Variants in TMPRSS11A observed in about 807,000 individuals in gnomAD.
TMPRSS11A encodes transmembrane protease serine 11A.
TMPRSS11A carries 53 observed loss-of-function variants against 58.9 expected under a neutral mutation model. The observed-to-expected ratio is 0.90, with a 90% CI of 0.72 to 1.13. The LOEUF (loss-of-function observed/expected upper bound fraction) is 1.13, where lower values mean the gene tolerates loss of function less well. TMPRSS11A is among the 50% of genes most tolerant of loss of function. The pLI is 0.00. For synonymous variants in TMPRSS11A, 167 were observed against 169.8 expected (o/e 0.98, Z 0.13); for missense variants, 493 against 499.3 (o/e 0.99, Z 0.12).
chr4:67,945,952 T>C (rs115912301), intron 2 of TMPRSS11A, among the ~76,000 whole-genome samples: 97 of 152,318 alleles, frequency 6.4e-4, no homozygotes, highest in Non-Finnish European at 9.9e-4. Context: ...TATTGTGTCA[T>C]ACGTATAGGT....
chr4:67,924,984 T>C (rs1177905947), intron 5 of TMPRSS11A, among the ~76,000 whole-genome samples: 1 of 152,104 alleles, frequency 6.6e-6, no homozygotes, highest in Non-Finnish European at 1.5e-5. Context: ...TTTTTTTTTT[T>C]TTTTTTGGTT....
chr4:67,940,595 A>T lies in TMPRSS11A; in HGVS notation c.252+3924T>A, dbSNP rs367886872. On this transcript the variant is annotated intron_variant, in intron 3 of 9. Coordinates refer to ENST00000508048, the MANE Select transcript of TMPRSS11A (RefSeq NM_001114387.2). ...TGGGATTGGTTGTAATGTTACCTCT[A>T]TCATTTCTGATCGTGCTTATTTGTA... Among the ~76,000 whole-genome samples the T allele has an allele frequency of 2.0e-5, 3 of 152,212 alleles. No individual in the cohort carries two copies. In the South Asian group the frequency reaches 6.2e-4, roughly 32 times the overall value.
At position 67,911,136 on chromosome 4, in the gene TMPRSS11A, C is replaced by G; in HGVS notation, c.*206G>C. ...CTCTACCGTATTTTTCAAGCCAGAT[C>G]CATTACTTTACAAATAAAAGTCCCT... On this transcript the variant is annotated 3_prime_UTR_variant, in exon 10 of 10. Coordinates refer to ENST00000508048, the MANE Select transcript of TMPRSS11A (RefSeq NM_001114387.2). 2.2e-6 allele frequency: 1 copy of G among 460,570 alleles called. No individual in the cohort carries two copies. The highest frequency in any genetic ancestry group is 3.9e-6 in the Non-Finnish European group (1 of 259,386). 28.5% of individuals were successfully genotyped at this position (460,570 alleles called of 1,614,324 possible). A position where few individuals can be genotyped will look rare whatever the true frequency, so the allele number is the denominator to read the frequency against.
chr4:67,936,998 T>G (rs1206638219), intron 3 of TMPRSS11A, among the ~76,000 whole-genome samples: 1 of 152,150 alleles, frequency 6.6e-6, no homozygotes, highest in Non-Finnish European at 1.5e-5. Context: ...CCTCTCCAGA[T>G]TTGTTGTCTT....
chr4:67,913,599 G>T (rs979181328), intron 9 of TMPRSS11A, among the ~76,000 whole-genome samples: 7 of 152,140 alleles, frequency 4.6e-5, no homozygotes, highest in African/African-American at 1.7e-4. Context: ...GGTCCTGTCT[G>T]CTCCAAGACT....
chr4:67,918,170 C>A (rs1388208490), intron 8 of TMPRSS11A, among the ~76,000 whole-genome samples: 1 of 152,084 alleles, frequency 6.6e-6, no homozygotes, highest in Non-Finnish European at 1.5e-5. Context: ...TCTCAGAAAG[C>A]CCTTTTGCAT....
chr4:67,953,857 G>T (rs1028409056), intron 1 of TMPRSS11A, among the ~76,000 whole-genome samples: 3 of 152,084 alleles, frequency 2.0e-5, no homozygotes, highest in African/African-American at 7.2e-5. Context: ...TGAAAAGGTG[G>T]CTCTAGATGT....
chr4:67,958,999 G>T (rs1249848971), intron 1 of TMPRSS11A, among the ~76,000 whole-genome samples: 1 of 152,122 alleles, frequency 6.6e-6, no homozygotes, highest in Non-Finnish European at 1.5e-5. Flanking sequence ...TGATTGTGAG[G>T]CCTCCCCAGC....
intron 2 of TMPRSS11A, among the ~76,000 whole-genome samples, 161 bp downstream of exon 2, chr4:67,946,289 G>T (rs1720999198): frequency 1.3e-5 from 2 of 152,080 alleles, no homozygotes; most frequent in South Asian, 4.1e-4. Flanking sequence ...TAAGAATTTA[G>T]TACTTGTTTG....
intron 3 of TMPRSS11A, among the ~76,000 whole-genome samples, chr4:67,935,577 C>A (rs1052126613): frequency 9.2e-5 from 14 of 152,030 alleles, no homozygotes; most frequent in Non-Finnish European, 1.8e-4. Flanking sequence ...TATTAAACGG[C>A]AAACCCTTTA....
intron 9 of TMPRSS11A, 45 bp downstream of exon 9, chr4:67,914,543 T>A (rs1157449235): frequency 3.8e-6 from 6 of 1,572,500 alleles, no homozygotes; most frequent in Non-Finnish European, 5.2e-6. Context: ...CTGAGCCAGA[T>A]ACAAATTTTT....
chr4:67,936,458 C>T (rs542275255), intron 3 of TMPRSS11A, among the ~76,000 whole-genome samples: 67 of 151,848 alleles, frequency 4.4e-4, no homozygotes, highest in African/African-American at 1.5e-3. Flanking sequence ...TGGGGTCAAG[C>T]CTAACTGCCA....
At chr4:67,939,757 C>T (rs765161506) in intron 3 of TMPRSS11A, among the ~76,000 whole-genome samples, 8 of 152,122 alleles carry the variant, frequency 5.3e-5, no homozygotes, top group Non-Finnish European at 8.8e-5. Flanking sequence ...GGCACGATCT[C>T]GGCTCACTGC....
At chr4:67,937,217 A>G (rs1434835595) in intron 3 of TMPRSS11A, among the ~76,000 whole-genome samples, 6 of 152,152 alleles carry the variant, frequency 3.9e-5, no homozygotes, top group Admixed American at 2.0e-4. Flanking sequence ...CTCAAAAAGC[A>G]TACCCATCCA....
intron 3 of TMPRSS11A, among the ~76,000 whole-genome samples, chr4:67,940,322 G>A (rs1255687083): frequency 6.6e-6 from 1 of 151,990 alleles, no homozygotes; most frequent in Non-Finnish European, 1.5e-5. Flanking sequence ...GCTATTTCTT[G>A]TACGTCTGGT....
At chr4:67,939,644 G>C (rs1324705484) in intron 3 of TMPRSS11A, among the ~76,000 whole-genome samples, 1 of 151,936 alleles carries the variant, frequency 6.6e-6, no homozygotes, top group Non-Finnish European at 1.5e-5. Context: ...TTTATCAAAA[G>C]CTTTTTCTAC....
rs558609406 is a variant in TMPRSS11A, at chr4:67,909,849, C to G, written c.*1493G>C. ...TGGCCTATGTGACATGCAATCTCTT[C>G]TCAGCTTTAAAATTCTATGAGTCTA... On this transcript the variant is annotated 3_prime_UTR_variant, in exon 10 of 10. Coordinates refer to ENST00000508048, the MANE Select transcript of TMPRSS11A (RefSeq NM_001114387.2). 5.1e-4 allele frequency: 77 copies of G among 152,212 alleles called. No homozygotes were observed. Among genetic ancestry groups the G allele is most frequent in the African/African-American group, 1.8e-3 (75 of 41,560 alleles). 9.4% of individuals were successfully genotyped at this position (152,212 alleles called of 1,614,324 possible). A position where few individuals can be genotyped will look rare whatever the true frequency, so the allele number is the denominator to read the frequency against.
chr4:67,940,607 C>T (rs959312322), intron 3 of TMPRSS11A, among the ~76,000 whole-genome samples: 8 of 152,196 alleles, frequency 5.3e-5, no homozygotes, highest in South Asian at 2.1e-4. Flanking sequence ...CATTTCTGAT[C>T]GTGCTTATTT....
At position 67,932,024 on chromosome 4, in the gene TMPRSS11A, T is replaced by A; in HGVS notation, c.289A>T (p.Asn97Tyr). ...EIFIDSAWKK[N>Y]YIKNQVVRLT... ...CTGACTACTTGGTTCTTGATATAAT[T>A]TTTCTTCCAGGCTGAATCTATAAAT... Residue 97 changes from asparagine (N) to tyrosine (Y), a missense_variant, in exon 4 of 10, where the codon AAT becomes TAT. By Grantham distance (143) the Asn-to-Tyr change is moderately radical. Coordinates refer to ENST00000508048, the MANE Select transcript of TMPRSS11A (RefSeq NM_001114387.2). The A allele has an allele frequency of 6.2e-7, 1 of 1,605,598 alleles. No homozygotes were observed. The highest frequency in any genetic ancestry group is 8.5e-7 in the Non-Finnish European group (1 of 1,172,556).
Sources: allele counts gnomAD v4.1 joint callset (sites outside exome capture counted in the v4.1 genomes callset), GRCh38; gene constraint gnomAD v4.1.1; transcripts MANE v1.5; gene names NCBI Gene and HGNC (gene_info 2026-07-23, HGNC 2026-07-21).